The following PABPC1L variants were observed in gnomAD, a reference collection of about 807,000 sequenced individuals.
PABPC1L encodes the protein poly(A) binding protein cytoplasmic 1 like, also known as polyadenylate-binding protein 1-like.
Under a neutral mutation model 66.6 loss-of-function variants are expected in PABPC1L, and 31 were observed. That is an observed-to-expected ratio of 0.47 (90% CI 0.35 to 0.63). The LOEUF (loss-of-function observed/expected upper bound fraction) is 0.63, where lower values mean the gene tolerates loss of function less well. Among genes scored for constraint, PABPC1L ranks in the 20% least tolerant of loss-of-function variants. The pLI is 0.00. For synonymous variants in PABPC1L, 348 were observed against 335.1 expected, an observed-to-expected ratio of 1.04 and a Z score of -0.42; for missense variants, 722 against 848.8, an observed-to-expected ratio of 0.85 and a Z score of 1.86.
At chr20:44,926,613 C>T (rs2066811590) in intron 7 of PABPC1L, among the ~76,000 whole-genome samples, 1 of 151,826 alleles carries the variant, frequency 6.6e-6, no homozygotes, top group African/African-American at 2.4e-5. Context: ...ATGGCGCGAT[C>T]TTGGCTCACT....
intron 2 of PABPC1L, among the ~76,000 whole-genome samples, chr20:44,913,973 A>G (rs2066721510): frequency 6.6e-6 from 1 of 152,220 alleles, no homozygotes; most frequent in Non-Finnish European, 1.5e-5. Context: ...ATGTTGAGCC[A>G]GTGGAGGTAT....
intron 9 of PABPC1L, 148 bp from the exon 10 acceptor site, chr20:44,932,909 T>C: frequency 1.7e-6 from 1 of 605,766 alleles, no homozygotes; most frequent in Non-Finnish European, 2.9e-6. Flanking sequence ...TGGGTCTAAG[T>C]GAATTGACTC....
At chr20:44,929,575 A>G (rs2066835336) in intron 7 of PABPC1L, among the ~76,000 whole-genome samples, 1 of 151,846 alleles carries the variant, frequency 6.6e-6, no homozygotes, top group Admixed American at 6.6e-5. Flanking sequence ...CAGGCAGATC[A>G]CTTGAGGTCA....
rs536655835 is a variant in PABPC1L at position 44,933,163 on chromosome 20, G to A, written c.1437G>A (p.Thr479=). 2.9e-5 allele frequency: 47 copies of A among 1,608,116 alleles called. 1 individual carries two copies. In the South Asian group the frequency reaches 4.5e-4, roughly 15 times the overall value. ...AGGCCTCCACCCAGGTGCCACGCAC[G>A]GTGCCTCATACCCAGAGAGTAGGTG... is the stretch of plus-strand genomic sequence containing the variant. ...VRQASTQVPR[T]VPHTQRVANI... is the part of the protein sequence containing the mutation. Residue 479 remains threonine (T), a synonymous_variant, in exon 10 of 15, where the codon ACG becomes ACA. Transcript: ENST00000217073.
chr20:44,928,864 C>CAA lies in PABPC1L; in HGVS notation c.973-1576_973-1575dup, dbSNP rs10597679. Among the ~76,000 whole-genome samples, 296 of 54,320 alleles carry CAA rather than the reference C, an allele frequency of 5.4e-3. 8 individuals carry two copies. Among genetic ancestry groups the CAA allele is most frequent in the African/African-American group, 0.016 (187 of 11,710 alleles). The allele number at this position is 54,320 out of a possible 152,430, so 35.6% of individuals were successfully genotyped here. On this transcript the variant is annotated intron_variant, in intron 7 of 14. Coordinates refer to ENST00000217073, the MANE Select transcript of PABPC1L (RefSeq NM_001372179.1). Reference sequence around the variant, plus strand: ...TGAGTGACAGAGTGAGATCCTGACTCAAAAAAAAAAAAAAAAAAAAAGAAA... The same window carrying CAA: ...TGAGTGACAGAGTGAGATCCTGACTCAAAAAAAAAAAAAAAAAAAAAAAGAAA...
chr20:44,929,799 A>C lies in PABPC1L; in HGVS notation c.973-661A>C, dbSNP rs545922089. Among the ~76,000 whole-genome samples, 5 of 152,184 alleles carry C rather than the reference A, an allele frequency of 3.3e-5. No homozygotes were observed. The East Asian group carries it at 9.6e-4, about 29-fold the overall frequency. On this transcript the variant is annotated intron_variant, in intron 7 of 14. Transcript: ENST00000217073. Reference sequence around the variant, plus strand: ...GACAGAGTGAAACTATGTCTCAAAAAAAAAAAAAAAGATATATAGCAACCC... The same window carrying C: ...GACAGAGTGAAACTATGTCTCAAAACAAAAAAAAAAGATATATAGCAACCC...
chr20:44,918,727 A>G (rs1431372684), intron 3 of PABPC1L, among the ~76,000 whole-genome samples, 179 bp from the exon 4 acceptor site: 2 of 152,208 alleles, frequency 1.3e-5, no homozygotes, highest in Non-Finnish European at 1.5e-5. Flanking sequence ...ATAATATAAT[A>G]TCTTGGCTAT....
chr20:44,937,234 A>G (rs2066908330), intron 12 of PABPC1L: 1 of 329,626 alleles, frequency 3.0e-6, no homozygotes, highest in Non-Finnish European at 6.0e-6. Context: ...CCTAGTGTCC[A>G]TGGCAGGCCC....
chr20:44,938,532 T>C, intron 13 of PABPC1L, 142 bp from the exon 14 acceptor site: 1 of 922,424 alleles, frequency 1.1e-6, no homozygotes, highest in Non-Finnish European at 1.6e-6. Context: ...TTGCAAGCAG[T>C]GGTGGATGGG....
chr20:44,932,426 C>T lies in PABPC1L; in HGVS notation c.1324C>T (p.Pro442Ser), dbSNP rs2066867814. 1.2e-6 allele frequency: 2 copies of T among 1,613,006 alleles called. No individual in the cohort carries two copies. Among genetic ancestry groups the T allele is most frequent in the East Asian group, 4.5e-5 (2 of 44,834 alleles). ...CAGGTGGACATCCCAGCCACCTAGA[C>T]CTTCCTGTGAGTGACCCAGCCCCTT... ...APRWTSQPPR[P>S]SSAYPPGASM... The change falls in exon 9 of 15, where the codon CCT becomes TCT. Residue 442 changes from proline (P) to serine (S), a missense_variant. Transcript: ENST00000217073.
At chr20:44,932,637 A>G (rs1050494711) in intron 9 of PABPC1L, 2 of 523,280 alleles carry the variant, frequency 3.8e-6, no homozygotes, top group Admixed American at 6.7e-5. Context: ...AATGGAAGAC[A>G]CGCAGCTAGC....
intron 1 of PABPC1L, 79 bp from the exon 2 acceptor site, chr20:44,912,581 T>G: frequency 7.9e-7 from 1 of 1,268,502 alleles, no homozygotes; most frequent in Non-Finnish European, 1.1e-6. Context: ...GGCTCCCAGT[T>G]AAGCACCTCG....
chr20:44,927,483 G>A, intron 7 of PABPC1L, among the ~76,000 whole-genome samples: 1 of 151,972 alleles, frequency 6.6e-6, no homozygotes, highest in Admixed American at 6.6e-5. Context: ...GAGTAGCTGG[G>A]ATTACAGGCG....
chr20:44,936,533 C>A, intron 11 of PABPC1L, 104 bp from the exon 12 acceptor site: 1 of 940,860 alleles, frequency 1.1e-6, no homozygotes, highest in Non-Finnish European at 1.6e-6. Flanking sequence ...CCTCTGTTCC[C>A]CTCCTCCAGT....
intron 5 of PABPC1L, among the ~76,000 whole-genome samples, chr20:44,919,805 G>A (rs557806956): frequency 6.6e-6 from 1 of 152,278 alleles, no homozygotes; most frequent in Non-Finnish European, 1.5e-5. Context: ...ACGGCAAGAT[G>A]CCATCTTCAC....
chr20:44,917,591 C>T (rs188004554), intron 3 of PABPC1L, among the ~76,000 whole-genome samples: 25 of 152,230 alleles, frequency 1.6e-4, no homozygotes, highest in African/African-American at 5.8e-4. Context: ...ATACTGTTAA[C>T]TTCGATATCA....
At chr20:44,912,590 C>G in intron 1 of PABPC1L, 70 bp from the exon 2 acceptor site, 2 of 1,366,340 alleles carry the variant, frequency 1.5e-6, no homozygotes, top group Non-Finnish European at 2.0e-6. Context: ...TTAAGCACCT[C>G]GAGGGGTGGG....
chr20:44,939,193 G>A lies in PABPC1L; in HGVS notation c.*74G>A, dbSNP rs1568654994. 4.2e-6 allele frequency: 3 copies of A among 717,972 alleles called. No individual in the cohort carries two copies. The highest frequency in any genetic ancestry group is 4.0e-5 in the Admixed American group (2 of 50,024). 44.5% of individuals were successfully genotyped at this position (717,972 alleles called of 1,614,324 possible). A position where few individuals can be genotyped will look rare whatever the true frequency, so the allele number is the denominator to read the frequency against. ...TTCTGGCTCTCAGCCCTAAGGCCCT[G>A]CAAACTCTAACTTATTTCCCAATTA... On this transcript the variant is annotated 3_prime_UTR_variant, in exon 15 of 15. Transcript: ENST00000217073.
At chr20:44,932,942 A>C in intron 9 of PABPC1L, 115 bp from the exon 10 acceptor site, 1 of 642,690 alleles carries the variant, frequency 1.6e-6, no homozygotes, top group Non-Finnish European at 2.7e-6. Flanking sequence ...TGAATGTTGT[A>C]GTTTCCCTTC....
Sources: allele counts gnomAD v4.1 joint callset (sites outside exome capture counted in the v4.1 genomes callset), GRCh38; gene constraint gnomAD v4.1.1; transcripts MANE v1.5; gene names NCBI Gene and HGNC (gene_info 2026-07-23, HGNC 2026-07-21).